Variants in DDHD1 observed in about 807,000 individuals in gnomAD.
DDHD1 encodes DDHD domain containing 1.
A neutral mutation model predicts 96.4 loss-of-function variants in DDHD1; 49 were observed. The ratio of observed to expected loss-of-function variants is 0.51; its 90% confidence interval spans 0.40 to 0.64. DDHD1 has a LOEUF of 0.64. Ranked by LOEUF, DDHD1 falls within the 30% of genes least tolerant of loss-of-function variation. The pLI, the probability that DDHD1 is intolerant of heterozygous loss-of-function variation, is 0.00. For missense variants in DDHD1, 1,106 were observed against 1,161.2 expected (o/e 0.95, Z 0.69); for synonymous variants, 442 against 446.5 (o/e 0.99, Z 0.13).
At chr14:53,101,664 A>G (rs1011701744) in intron 2 of DDHD1, among the ~76,000 whole-genome samples, 53 of 152,096 alleles carry the variant, frequency 3.5e-4, no homozygotes, top group African/African-American at 1.2e-3. Flanking sequence ...TCACACATAC[A>G]CATACGCAAA....
chr14:53,084,576 A>AAAT (rs1377775059), intron 4 of DDHD1, among the ~76,000 whole-genome samples: 32 of 152,246 alleles, frequency 2.1e-4, no homozygotes, highest in Non-Finnish European at 7.3e-5. Flanking sequence ...AATATAAGCT[A>AAAT]TGGACATTGA....
intron 8 of DDHD1, among the ~76,000 whole-genome samples, chr14:53,059,636 C>T (rs1250334909): frequency 4.7e-5 from 7 of 147,966 alleles, no homozygotes; most frequent in Admixed American, 2.0e-4. Context: ...GAGGCCGTGG[C>T]GGGCGGATCA....
At chr14:53,047,305 C>A (rs1489103914) in intron 12 of DDHD1, among the ~76,000 whole-genome samples, 2 of 152,182 alleles carry the variant, frequency 1.3e-5, no homozygotes, top group African/African-American at 4.8e-5. Context: ...AAGGAAAACA[C>A]CCCTCTTGAA....
At chr14:53,128,391 G>A (rs1889614836) in intron 1 of DDHD1, among the ~76,000 whole-genome samples, 1 of 152,190 alleles carries the variant, frequency 6.6e-6, no homozygotes, top group African/African-American at 2.4e-5. Context: ...GGCACCAGCA[G>A]ATTTGGTGTC....
At chr14:53,080,532 G>T (rs933004020) in intron 4 of DDHD1, among the ~76,000 whole-genome samples, 1 of 151,660 alleles carries the variant, frequency 6.6e-6, no homozygotes, top group Admixed American at 6.6e-5. Context: ...GTTTCTTTCA[G>T]TTCAACTTAA....
intron 1 of DDHD1, among the ~76,000 whole-genome samples, chr14:53,115,559 T>C (rs1888477845): frequency 6.6e-6 from 1 of 152,152 alleles, no homozygotes; most frequent in African/African-American, 2.4e-5. Context: ...CAGAAGACAG[T>C]GGGGGCCAAT....
intron 1 of DDHD1, among the ~76,000 whole-genome samples, chr14:53,124,019 G>A (rs1022860925): frequency 6.6e-6 from 1 of 151,566 alleles, no homozygotes; most frequent in Non-Finnish European, 1.5e-5. Flanking sequence ...ATCACCTGAG[G>A]TCAGGAGTTC....
chr14:53,089,151 A>G (rs2139988289), intron 4 of DDHD1, among the ~76,000 whole-genome samples: 1 of 152,350 alleles, frequency 6.6e-6, no homozygotes, highest in Non-Finnish European at 1.5e-5. Flanking sequence ...AACCCTGCTC[A>G]ATGAAATAAA....
chr14:53,051,951 C>G (rs1211425320), intron 11 of DDHD1, 24 bp from the exon 12 acceptor site: 19 of 1,543,166 alleles, frequency 1.2e-5, no homozygotes, highest in Middle Eastern at 1.7e-4. Flanking sequence ...ACACAAGATG[C>G]TGTAAAGGGT....
chr14:53,139,228 A>G (rs1468358423), intron 1 of DDHD1, among the ~76,000 whole-genome samples: 1 of 152,182 alleles, frequency 6.6e-6, no homozygotes, highest in African/African-American at 2.4e-5. Context: ...ACCCAGAGAC[A>G]CTGTGCCTAA....
rs1882046965 is a variant in DDHD1 at position 53,046,809 on chromosome 14, C to A, written c.2662G>T (p.Glu888Ter). ...TTGGGTTTTGCATCATCATCGTGCT[C>A]ATGTTTATACATGAAGGTTAAAAGA... ...LFLLTFMYKHEHDDDAKPNLD... is the reference protein window; with the variant it reads ...LFLLTFMYKH Residue 888 changes from glutamate to a stop codon, truncating the protein, a stop_gained, in exon 13 of 13, where the codon GAG (glutamate) becomes TAG (stop). Transcript: ENST00000673822. LOFTEE classifies it high-confidence loss of function. 2 of 1,611,132 alleles carry A rather than the reference C, an allele frequency of 1.2e-6. No individual in the cohort carries two copies. The highest frequency in any genetic ancestry group is 1.7e-6 in the Non-Finnish European group (2 of 1,178,682).
chr14:53,043,903 A>G lies in DDHD1; in HGVS notation c.*2865T>C, dbSNP rs1002947458. 1 of 152,250 alleles carries G rather than the reference A, an allele frequency of 6.6e-6. No individual in the cohort carries two copies. The highest frequency in any genetic ancestry group is 1.5e-5 in the Non-Finnish European group (1 of 68,038). The allele number at this position is 152,250 out of a possible 1,614,324, so 9.4% of individuals were successfully genotyped here. On this transcript the variant is annotated 3_prime_UTR_variant, in exon 13 of 13. Coordinates refer to ENST00000673822, the MANE Select transcript of DDHD1 (RefSeq NM_001160148.2). ...ATTCTAACGGTTAATAATTCTTGGGAAGCTAACTAAAGTTCAGTGATCTAA... is the reference window on the plus strand; with the variant it reads ...ATTCTAACGGTTAATAATTCTTGGGGAGCTAACTAAAGTTCAGTGATCTAA...
chr14:53,085,690 G>A (rs1016226850), intron 4 of DDHD1, among the ~76,000 whole-genome samples: 13 of 152,290 alleles, frequency 8.5e-5, no homozygotes, highest in Admixed American at 5.9e-4. Context: ...CAAAGATGGG[G>A]AGAAACTACA....
chr14:53,129,868 C>T (rs960612385), intron 1 of DDHD1, among the ~76,000 whole-genome samples: 12 of 152,204 alleles, frequency 7.9e-5, no homozygotes, highest in African/African-American at 2.7e-4. Context: ...ATTTCTCCAT[C>T]CTACAAGATC....
intron 2 of DDHD1, among the ~76,000 whole-genome samples, chr14:53,098,895 T>A (rs925120529): frequency 1.3e-5 from 2 of 152,112 alleles, no homozygotes; most frequent in Admixed American, 1.3e-4. Context: ...CTGTGATTTT[T>A]ATAGTCAGGT....
intron 1 of DDHD1, among the ~76,000 whole-genome samples, chr14:53,146,960 A>G (rs1263440362): frequency 6.7e-6 from 1 of 149,364 alleles, no homozygotes; most frequent in Non-Finnish European, 1.5e-5. Context: ...TTTGTATAAC[A>G]TGCACAGTTT....
At chr14:53,094,120 T>C (rs1298969985) in intron 2 of DDHD1, among the ~76,000 whole-genome samples, 1 of 150,738 alleles carries the variant, frequency 6.6e-6, no homozygotes, top group Non-Finnish European at 1.5e-5. Context: ...GAGCTTGCAG[T>C]GAGCCGAGAT....
At position 53,153,028 on chromosome 14, in the gene DDHD1, C is replaced by G; in HGVS notation, c.71G>C (p.Trp24Ser). 6.7e-7 allele frequency: 1 copy of G among 1,501,410 alleles called. No homozygotes were observed. The highest frequency in any genetic ancestry group is 2.4e-4 in the Middle Eastern group (1 of 4,232). 93.0% of individuals were successfully genotyped at this position (1,501,410 alleles called of 1,614,324 possible). A position where few individuals can be genotyped will look rare whatever the true frequency, so the allele number is the denominator to read the frequency against. The change falls in exon 1 of 13, where the codon TGG becomes TCG. Residue 24 changes from tryptophan to serine, a missense_variant. Around this residue, in one of 2 missense-constraint regions of DDHD1, gnomAD observed 456 missense variants for 402.4 expected, o/e 1.13. Coordinates refer to ENST00000673822, the MANE Select transcript of DDHD1 (RefSeq NM_001160148.2). ...TGGCCTCGCGTCTGAGCCCAGCTCC[C>G]AGGCGCCGCCGCCGCCGCCTCGGCC... ...HNGRGGGGGA[W>S]ELGSDARPAF...
intron 1 of DDHD1, among the ~76,000 whole-genome samples, chr14:53,142,901 G>A (rs913753493): frequency 6.6e-6 from 1 of 152,218 alleles, no homozygotes; most frequent in Non-Finnish European, 1.5e-5. Flanking sequence ...CCAAGAATAT[G>A]CCAAGTGAGG....
Sources: gnomAD v4.1 joint callset for allele counts (sites outside exome capture counted in the v4.1 genomes callset) on GRCh38, gnomAD v4.1.1 for gene constraint, gnomAD v4.1.1 regional missense constraint, MANE v1.5 for transcripts, NCBI Gene and HGNC (gene_info 2026-07-23, HGNC 2026-07-21) for gene names.